Variants in MBD5 observed in about 807,000 individuals in gnomAD.
The protein encoded by MBD5 is methyl-CpG-binding domain protein 5.
MBD5 carries 13 observed loss-of-function variants against 117.3 expected under a neutral mutation model. The observed-to-expected ratio is 0.11, with a 90% CI of 0.07 to 0.18. The LOEUF is 0.18. MBD5 is among the 10% of genes least tolerant of loss of function. MBD5 has a pLI of 1.00. For missense variants in MBD5, 1,879 were observed against 2,093.8 expected (o/e 0.90, Z 2.00); for synonymous variants, 727 against 766.4 (o/e 0.95, Z 0.85).
chr2:148,343,612 TA>T (rs1703008341), intron 4 of MBD5, among the ~76,000 whole-genome samples: 1 of 152,150 alleles, frequency 6.6e-6, no homozygotes, highest in Non-Finnish European at 1.5e-5. Flanking sequence ...GCCCAATTTT[TA>T]ATGGGGCTGT....
At chr2:148,472,657 C>A (rs980755514) in intron 8 of MBD5, among the ~76,000 whole-genome samples, 2 of 152,044 alleles carry the variant, frequency 1.3e-5, no homozygotes, top group African/African-American at 2.4e-5. Flanking sequence ...CATCAAATAA[C>A]CGTTGAGCCT....
chr2:148,037,640 AAAAAC>A (rs200352719), intron 1 of MBD5, among the ~76,000 whole-genome samples: 1,666 of 152,116 alleles, frequency 0.011, 36 homozygotes, highest in African/African-American at 0.038. Context: ...CTCAAAGAGA[AAAAAC>A]AGAATGTGCA....
chr2:148,313,254 C>A (rs188494626), intron 3 of MBD5, among the ~76,000 whole-genome samples: 1 of 152,298 alleles, frequency 6.6e-6, no homozygotes, highest in Non-Finnish European at 1.5e-5. Context: ...GCGCCCACAG[C>A]TGCCCCTTCC....
chr2:148,368,074 T>C (rs2382227), intron 4 of MBD5, among the ~76,000 whole-genome samples: 151,511 of 152,274 alleles, frequency 0.99, 75,383 homozygotes, highest in East Asian at 1. Flanking sequence ...TTGGAACCAC[T>C]CCAAATGCTC....
chr2:148,343,023 C>T (rs139627843), intron 4 of MBD5, among the ~76,000 whole-genome samples: 11 of 151,846 alleles, frequency 7.2e-5, no homozygotes, highest in South Asian at 4.1e-4. Flanking sequence ...TGAGAACATG[C>T]GATATTTGGT....
intron 1 of MBD5, among the ~76,000 whole-genome samples, chr2:148,162,870 A>G (rs928855942): frequency 2.6e-5 from 4 of 152,232 alleles, no homozygotes; most frequent in African/African-American, 9.6e-5. Flanking sequence ...ACAATAAAAA[A>G]TGGCAAATAA....
intron 3 of MBD5, among the ~76,000 whole-genome samples, chr2:148,341,952 A>G (rs1007871881): frequency 2.0e-5 from 3 of 152,152 alleles, no homozygotes; most frequent in East Asian, 3.9e-4. Context: ...ATTTTTATCA[A>G]TAATTTTTAA....
intron 1 of MBD5, among the ~76,000 whole-genome samples, chr2:148,134,940 G>A (rs1697138845): frequency 6.6e-6 from 1 of 152,148 alleles, no homozygotes; most frequent in African/African-American, 2.4e-5. Context: ...GGGTATAGGG[G>A]TGGTTTTATC....
chr2:148,324,368 G>T (rs1427962269), intron 3 of MBD5, among the ~76,000 whole-genome samples: 1 of 152,060 alleles, frequency 6.6e-6, no homozygotes, highest in Admixed American at 6.5e-5. Context: ...TTCCAATTCT[G>T]TGAAGAAAGG....
intron 4 of MBD5, among the ~76,000 whole-genome samples, chr2:148,445,843 G>T (rs1298008967): frequency 6.6e-6 from 1 of 151,386 alleles, no homozygotes; most frequent in African/African-American, 2.5e-5. Flanking sequence ...GGTGTGAGAT[G>T]GTATCTCACT....
intron 3 of MBD5, among the ~76,000 whole-genome samples, chr2:148,321,868 A>G (rs1043545067): frequency 2.6e-5 from 4 of 152,120 alleles, no homozygotes; most frequent in Admixed American, 2.6e-4. Flanking sequence ...GATTACAGAT[A>G]TGAGCTGCCA....
chr2:148,213,727 C>G (rs1558975188), intron 2 of MBD5, among the ~76,000 whole-genome samples: 1 of 151,912 alleles, frequency 6.6e-6, no homozygotes, highest in African/African-American at 2.4e-5. Context: ...TGAGACTTAC[C>G]CCTTTTAACT....
At chr2:148,509,682 G>A (rs1682156570) in intron 12 of MBD5, among the ~76,000 whole-genome samples, 1 of 152,190 alleles carries the variant, frequency 6.6e-6, no homozygotes, top group African/African-American at 2.4e-5. Context: ...CACACAGTCA[G>A]GCTGACTGAG....
At chr2:148,149,274 AT>A (rs1697567443) in intron 1 of MBD5, among the ~76,000 whole-genome samples, 2 of 135,338 alleles carry the variant, frequency 1.5e-5, no homozygotes, top group African/African-American at 5.6e-5. Flanking sequence ...TGAACTCATC[AT>A]TTTTTATGGC....
At chr2:148,081,286 A>G (rs1573992821) in intron 1 of MBD5, among the ~76,000 whole-genome samples, 1 of 152,168 alleles carries the variant, frequency 6.6e-6, no homozygotes, top group East Asian at 1.9e-4. Context: ...TAAAATTGTT[A>G]TATCTTTAGC....
At position 148,174,479 on chromosome 2, in the gene MBD5, T is replaced by C. The variant is rs1698334328; in HGVS notation, c.-924-4221T>C. On this transcript the variant is annotated intron_variant, in intron 1 of 13. Transcript: ENST00000642680. The stretch of plus-strand genomic sequence containing the variant: ...GGATTATATCAAATGAAAAAGCTTC[T>C]GTACAGCAAAAGAAACAATGTACAG... Among the ~76,000 whole-genome samples the C allele has an allele frequency of 4.6e-5, 7 of 152,030 alleles. No individual in the cohort carries two copies. The South Asian group carries it at 1.5e-3, about 32-fold the overall frequency.
intron 4 of MBD5, among the ~76,000 whole-genome samples, chr2:148,358,565 G>T (rs1458508251): frequency 2.7e-5 from 4 of 149,366 alleles, no homozygotes; most frequent in Non-Finnish European, 5.9e-5. Context: ...GATCACTTGA[G>T]CTGTGAAATT....
At chr2:148,055,209 T>C (rs1694822575) in intron 1 of MBD5, 1 of 152,080 alleles carries the variant, frequency 6.6e-6, no homozygotes, top group Admixed American at 6.6e-5. Context: ...AATTTTCTTA[T>C]TTTTGTATGT....
chr2:148,471,932 T>C (rs1680811044), intron 8 of MBD5: 1 of 152,074 alleles, frequency 6.6e-6, no homozygotes, highest in Admixed American at 6.6e-5. Flanking sequence ...CACACAAAGT[T>C]CATAACTATT....
Sources: allele counts gnomAD v4.1 joint callset (sites outside exome capture counted in the v4.1 genomes callset), GRCh38; gene constraint gnomAD v4.1.1; transcripts MANE v1.5; gene names NCBI Gene and HGNC (gene_info 2026-07-23, HGNC 2026-07-21).